DPP6: variants seen among roughly 807,000 people sequenced by gnomAD.
DPP6 encodes dipeptidyl peptidase like 6.
In DPP6, 69 loss-of-function variants were observed where a neutral mutation model predicts 122.6. That is an observed-to-expected ratio of 0.56 (90% CI 0.46 to 0.69). The LOEUF is 0.69. DPP6 is among the 30% of genes least tolerant of loss of function. DPP6 has a pLI of 0.00. For synonymous variants in DPP6, 418 were observed against 433.1 expected (o/e 0.97, Z 0.43); for missense variants, 928 against 1,116.9 (o/e 0.83, Z 2.41).
At chr7:154,284,230 A>G (rs756329100) in intron 1 of DPP6, among the ~76,000 whole-genome samples, 10 of 152,296 alleles carry the variant, frequency 6.6e-5, no homozygotes, top group Middle Eastern at 3.4e-3. Context: ...TATAGACTCA[A>G]TGGACTAATT....
intron 1 of DPP6, 135 bp downstream of exon 1, chr7:154,053,198 C>G: frequency 5.0e-6 from 4 of 806,214 alleles, no homozygotes; most frequent in South Asian, 5.7e-5. Context: ...TCCGGGCGCC[C>G]CCAGACAGGC....
chr7:154,039,713 A>G (rs1799667925), intron 1 of DPP6, among the ~76,000 whole-genome samples: 1 of 38,964 alleles, frequency 2.6e-5, no homozygotes, highest in East Asian at 4.7e-4. Flanking sequence ...AATTAGTTTC[A>G]TTTTCTGCCC....
intron 17 of DPP6, among the ~76,000 whole-genome samples, chr7:154,867,246 C>G (rs1563300576): frequency 1.3e-5 from 2 of 152,286 alleles, no homozygotes; most frequent in African/African-American, 2.4e-5. Context: ...TGAAATGAAA[C>G]AGAATGGCCA....
At chr7:153,843,119 T>TGCGCATACACAC in the DPP6 span, among the ~76,000 whole-genome samples, 1 of 149,104 alleles carries the variant, frequency 6.7e-6, no homozygotes, top group Admixed American at 6.7e-5. Context: ...TGCATACACA[T>TGCGCATACACAC]GCGCATACAC....
rs140341423 is a variant in DPP6 at position 154,445,370 on chromosome 7, C to A, written c.244-844C>A. Among the ~76,000 whole-genome samples, 891 of 152,244 alleles carry A rather than the reference C, an allele frequency of 5.9e-3. 12 individuals are homozygous for A. Among genetic ancestry groups the A allele is most frequent in the African/African-American group, 0.021 (854 of 41,548 alleles). ...CTTATTATCAAGCATTCATATGATC[C>A]TTTTTGTCTCTCAAAGAATCACAGT... is the stretch of plus-strand genomic sequence containing the variant. On this transcript the variant is annotated intron_variant, in intron 1 of 25. Transcript: ENST00000377770.
chr7:153,763,728 T>C, the DPP6 span, among the ~76,000 whole-genome samples: 1 of 152,222 alleles, frequency 6.6e-6, no homozygotes, highest in African/African-American at 2.4e-5. Context: ...TTACGTAACA[T>C]TGAGCAGAGG....
intron 1 of DPP6, among the ~76,000 whole-genome samples, chr7:154,321,017 C>A (rs977472364): frequency 2.0e-5 from 3 of 152,148 alleles, no homozygotes; most frequent in Non-Finnish European, 4.4e-5. Flanking sequence ...TCTTTGTGCT[C>A]TAGGCATTGA....
chr7:154,867,288 G>A (rs529106088), intron 17 of DPP6, among the ~76,000 whole-genome samples: 2 of 152,308 alleles, frequency 1.3e-5, no homozygotes, highest in South Asian at 2.1e-4. Flanking sequence ...TTCCTCAGGG[G>A]ACTTCTTTGC....
At chr7:154,042,637 C>T (rs1585218526) in intron 1 of DPP6, among the ~76,000 whole-genome samples, 1 of 152,156 alleles carries the variant, frequency 6.6e-6, no homozygotes, top group East Asian at 1.9e-4. Context: ...GACATTATCC[C>T]TGAGCTAAAA....
intron 2 of DPP6, among the ~76,000 whole-genome samples, chr7:154,450,453 T>TA (rs916891307): frequency 1.4e-4 from 22 of 152,198 alleles, no homozygotes; most frequent in Non-Finnish European, 2.8e-4. Context: ...ATGAGTTTGA[T>TA]AAAAAGATGG....
At chr7:153,804,254 G>A in the DPP6 span, among the ~76,000 whole-genome samples, 1 of 152,054 alleles carries the variant, frequency 6.6e-6, no homozygotes, top group South Asian at 2.1e-4. Context: ...GTTTCACCAT[G>A]TTGGCCAGAC....
At chr7:154,590,867 T>G (rs1314094788) in intron 5 of DPP6, among the ~76,000 whole-genome samples, 1 of 152,038 alleles carries the variant, frequency 6.6e-6, no homozygotes, top group Non-Finnish European at 1.5e-5. Context: ...AAAAATATAT[T>G]CTGCGAGTAA....
intron 1 of DPP6, among the ~76,000 whole-genome samples, chr7:153,970,388 A>G (rs902718470): frequency 3.3e-5 from 5 of 152,190 alleles, no homozygotes; most frequent in Admixed American, 2.0e-4. Context: ...CTCTAAATAT[A>G]TACTGTCAAA....
chr7:154,189,438 T>G (rs1798507062), intron 1 of DPP6, among the ~76,000 whole-genome samples: 1 of 152,316 alleles, frequency 6.6e-6, no homozygotes, highest in Middle Eastern at 3.4e-3. Flanking sequence ...TTAAAATAAC[T>G]AGCACATAGT....
chr7:154,132,225 T>G (rs1406257155), intron 1 of DPP6, among the ~76,000 whole-genome samples: 1 of 152,128 alleles, frequency 6.6e-6, no homozygotes, highest in Non-Finnish European at 1.5e-5. Flanking sequence ...GATTTGCTGG[T>G]TTTACTGCTG....
intron 1 of DPP6, among the ~76,000 whole-genome samples, chr7:154,194,411 C>T (rs564500879): frequency 6.6e-6 from 1 of 152,294 alleles, no homozygotes; most frequent in South Asian, 2.1e-4. Context: ...ACAAATTGCA[C>T]ATATTTTAAA....
chr7:154,721,263 C>T (rs960283473), intron 7 of DPP6, among the ~76,000 whole-genome samples: 24 of 152,206 alleles, frequency 1.6e-4, no homozygotes, highest in Non-Finnish European at 2.5e-4. Flanking sequence ...CTCCTCCTTC[C>T]GCTAACTGCT....
intron 1 of DPP6, among the ~76,000 whole-genome samples, chr7:154,275,262 C>T (rs140320702): frequency 3.0e-4 from 46 of 152,356 alleles, no homozygotes; most frequent in African/African-American, 8.7e-4. Flanking sequence ...GAGTCCTCTG[C>T]AGGGCTGAGG....
intron 5 of DPP6, among the ~76,000 whole-genome samples, chr7:154,628,980 T>C (rs1481566133): frequency 6.6e-6 from 1 of 152,168 alleles, no homozygotes; most frequent in Non-Finnish European, 1.5e-5. Flanking sequence ...TAATTCAGAC[T>C]TAACTGTTTG....
Sources: gnomAD v4.1 joint callset for allele counts (sites outside exome capture counted in the v4.1 genomes callset) on GRCh38, gnomAD v4.1.1 for gene constraint, MANE v1.5 for transcripts, NCBI Gene and HGNC (gene_info 2026-07-23, HGNC 2026-07-21) for gene names.